Variants in MEGF11 observed in about 807,000 individuals in gnomAD.
The protein encoded by MEGF11 is multiple epidermal growth factor-like domains protein 11.
Under a neutral mutation model 146.6 loss-of-function variants are expected in MEGF11, and 126 were observed. The ratio of observed to expected loss-of-function variants is 0.86; its 90% CI spans 0.74 to 1.00. The LOEUF (loss-of-function observed/expected upper bound fraction) is 1.00. Ranked by LOEUF, MEGF11 falls within the 50% of genes least tolerant of loss-of-function variation. The probability of loss-of-function intolerance (pLI) is 0.00; values close to 1 mark genes in which losing one functional copy is unlikely to be tolerated. For missense variants in MEGF11, 1,509 were observed against 1,521.2 expected, an observed-to-expected ratio of 0.99 and a Z score of 0.13; for synonymous variants, 532 against 583.4, an observed-to-expected ratio of 0.91 and a Z score of 1.27.
Position 66,233,863 on chromosome 15 carries a change from C to T in MEGF11, c.-9+19742G>A, listed in dbSNP as rs558436734. 5.3e-5 allele frequency among the ~76,000 whole-genome samples: 8 copies of T among 152,046 alleles called. No individual in the cohort carries two copies. In the East Asian group the frequency reaches 1.5e-3, roughly 29 times the overall value. ...GCCAAAGGTCTTCTGGGGAGAGTGTCCTTGCTCTTAAAAAGAGATGTCCAT... is the reference window on the plus strand; with the variant it reads ...GCCAAAGGTCTTCTGGGGAGAGTGTTCTTGCTCTTAAAAAGAGATGTCCAT... On this transcript the variant is annotated intron_variant, in intron 1 of 25. Coordinates refer to ENST00000395614, the MANE Select transcript of MEGF11 (RefSeq NM_001385028.1).
intron 1 of MEGF11, among the ~76,000 whole-genome samples, chr15:66,201,330 G>A (rs1021134928): frequency 6.6e-6 from 1 of 152,060 alleles, no homozygotes; most frequent in Non-Finnish European, 1.5e-5. Context: ...CAGAATGTGG[G>A]GCTGGAGAGG....
At chr15:65,916,649 G>T in intron 17 of MEGF11, 179 bp downstream of exon 17, 1 of 1,123,562 alleles carries the variant, frequency 8.9e-7, no homozygotes, top group Non-Finnish European at 1.3e-6. Context: ...CCTGAATCCA[G>T]TCAGGTCTGG....
chr15:66,246,100 T>G (rs1463603897), intron 1 of MEGF11, among the ~76,000 whole-genome samples: 1 of 150,400 alleles, frequency 6.6e-6, no homozygotes, highest in Non-Finnish European at 1.5e-5. Context: ...CTACTAAAAA[T>G]ACAAAAATGA....
At chr15:66,031,102 T>G (rs1330510740) in intron 5 of MEGF11, among the ~76,000 whole-genome samples, 1 of 152,208 alleles carries the variant, frequency 6.6e-6, no homozygotes, top group African/African-American at 2.4e-5. Context: ...ACCACCTTTC[T>G]GAAGCATCAG....
At chr15:65,910,226 T>G (rs764772544) in intron 21 of MEGF11, among the ~76,000 whole-genome samples, 47 of 152,122 alleles carry the variant, frequency 3.1e-4, no homozygotes, top group Admixed American at 5.2e-4. Flanking sequence ...TGCCACCTGA[T>G]CCTGATTGGG....
At chr15:65,929,589 G>A in intron 12 of MEGF11, 131 bp downstream of exon 12, 8 of 1,119,248 alleles carry the variant, frequency 7.1e-6, no homozygotes, top group Non-Finnish European at 1.0e-5. Context: ...CTAGGACTGT[G>A]ACCTAAATCC....
chr15:65,967,151 T>G (rs1392403321), intron 8 of MEGF11: 2 of 152,216 alleles, frequency 1.3e-5, no homozygotes, highest in Non-Finnish European at 2.9e-5. Context: ...AAGAATTAAA[T>G]GGGATAATGC....
At chr15:66,218,985 A>AAAAAAAAAAAAAAAAC (rs1431689228) in intron 1 of MEGF11, among the ~76,000 whole-genome samples, 1 of 151,080 alleles carries the variant, frequency 6.6e-6, no homozygotes, top group African/African-American at 2.4e-5. Context: ...CAGGCAAAAA[A>AAAAAAAAAAAAAAAAC]AAAAAAAAAA....
At chr15:66,004,240 C>G (rs939692697) in intron 5 of MEGF11, among the ~76,000 whole-genome samples, 1 of 152,084 alleles carries the variant, frequency 6.6e-6, no homozygotes, top group African/African-American at 2.4e-5. Flanking sequence ...CCCCCTAGAC[C>G]TTGTTTTCCT....
intron 1 of MEGF11, among the ~76,000 whole-genome samples, chr15:66,187,364 C>T (rs1462159243): frequency 3.3e-5 from 5 of 152,196 alleles, no homozygotes; most frequent in Non-Finnish European, 7.3e-5. Flanking sequence ...TTCTTCCACA[C>T]ACAGGGGAGC....
At chr15:65,941,818 G>A (rs1479280559) in intron 10 of MEGF11, among the ~76,000 whole-genome samples, 6 of 152,230 alleles carry the variant, frequency 3.9e-5, no homozygotes, top group African/African-American at 1.4e-4. Flanking sequence ...AGGAGGGAGT[G>A]GGGAGCAGGA....
At chr15:65,973,310 A>G (rs1263099454) in intron 7 of MEGF11, among the ~76,000 whole-genome samples, 1 of 152,226 alleles carries the variant, frequency 6.6e-6, no homozygotes. Flanking sequence ...ACAGGCTTCT[A>G]AGAAACTTGC....
At chr15:66,162,210 G>A (rs1466748493) in intron 1 of MEGF11, among the ~76,000 whole-genome samples, 1 of 152,190 alleles carries the variant, frequency 6.6e-6, no homozygotes, top group Non-Finnish European at 1.5e-5. Context: ...CAGAAGAGGA[G>A]CTTGGGGACA....
intron 5 of MEGF11, among the ~76,000 whole-genome samples, chr15:66,073,388 G>C (rs1354598747): frequency 6.6e-6 from 1 of 152,158 alleles, no homozygotes; most frequent in Non-Finnish European, 1.5e-5. Flanking sequence ...ACAGCTTCCG[G>C]GAACCCAGCA....
At position 66,096,440 on chromosome 15, in the gene MEGF11, C is replaced by G. The variant is rs374822434; in HGVS notation, c.302-1946G>C. Among the ~76,000 whole-genome samples, 30 of 152,350 alleles carry G rather than the reference C, an allele frequency of 2.0e-4. No homozygotes were observed. In the East Asian group the frequency reaches 5.0e-3, roughly 25 times the overall value. On this transcript the variant is annotated intron_variant, in intron 4 of 25. Transcript: ENST00000395614. ...GCCCCTTGGGCAGTGTGTGGCCTCT[C>G]AGACAGGGAGGAAGGAGCTTGGGGT... is the stretch of plus-strand genomic sequence containing the variant.
At chr15:65,943,270 G>A (rs533233633) in intron 10 of MEGF11, among the ~76,000 whole-genome samples, 10 of 152,206 alleles carry the variant, frequency 6.6e-5, no homozygotes, top group African/African-American at 1.9e-4. Flanking sequence ...GAGCCACCAC[G>A]TTCCACCCAA....
chr15:66,030,004 C>G lies in MEGF11; in HGVS notation c.395-47516G>C, dbSNP rs546676727. On this transcript the variant is annotated intron_variant, in intron 5 of 25. Coordinates refer to ENST00000395614, the MANE Select transcript of MEGF11 (RefSeq NM_001385028.1). ...TTCTATTCCTGGGGACATTTTTCAT[C>G]CATACTTTCTCCAACCAATGTTATC... 8.1e-4 allele frequency among the ~76,000 whole-genome samples: 123 copies of G among 152,334 alleles called. 1 individual carries two copies. The South Asian group carries it at 8.1e-3, about 10-fold the overall frequency.
chr15:66,198,773 C>T (rs762994030), intron 1 of MEGF11, among the ~76,000 whole-genome samples: 4 of 152,104 alleles, frequency 2.6e-5, no homozygotes, highest in Admixed American at 6.6e-5. Flanking sequence ...TGTGAGCCAC[C>T]GAGCCCAGCC....
intron 1 of MEGF11, among the ~76,000 whole-genome samples, chr15:66,246,126 G>A (rs958710780): frequency 2.0e-5 from 3 of 152,058 alleles, no homozygotes; most frequent in African/African-American, 4.8e-5. Flanking sequence ...GCATGGTGGT[G>A]CAAGCCTGTA....
Sources: gnomAD v4.1 joint callset for allele counts (sites outside exome capture counted in the v4.1 genomes callset) on GRCh38, gnomAD v4.1.1 for gene constraint, MANE v1.5 for transcripts, NCBI Gene and HGNC (gene_info 2026-07-23, HGNC 2026-07-21) for gene names.